The following TLN2 variants were observed in gnomAD, a reference collection of about 807,000 sequenced individuals.
TLN2 encodes talin-2.
A neutral mutation model predicts 294.7 loss-of-function variants in TLN2; 118 were observed. That is an observed-to-expected ratio of 0.40 (90% CI 0.34 to 0.47). The LOEUF is 0.47. Ranked by LOEUF, TLN2 falls within the 20% of genes least tolerant of loss-of-function variation. TLN2 has a pLI of 0.84. For synonymous variants in TLN2, 1,431 were observed against 1,304.5 expected, an observed-to-expected ratio of 1.10 and a Z score of -2.09; for missense variants, 3,083 against 3,282.2, an observed-to-expected ratio of 0.94 and a Z score of 1.48.
chr15:62,596,805 AAGT>A (rs975879170), intron 2 of TLN2, among the ~76,000 whole-genome samples: 9 of 152,348 alleles, frequency 5.9e-5, no homozygotes, highest in Non-Finnish European at 1.2e-4. Flanking sequence ...AAATGGCTAA[AAGT>A]AGGAAACATT....
Position 62,800,365 on chromosome 15 carries a change from C to T in TLN2, c.6235-3C>T, listed in dbSNP as rs2065849410. On this transcript the variant is annotated splice_polypyrimidine_tract_variant and splice_region_variant and intron_variant, in intron 48 of 58. Transcript: ENST00000636159. ...CTCACCTGAGTTCTGTGCTCTCTTT[C>T]AGGTGGTTTTGATCAATGCCATCAA... is the stretch of plus-strand genomic sequence containing the variant. 1 of 1,613,464 alleles carries T rather than the reference C, an allele frequency of 6.2e-7. No homozygotes were observed.
At chr15:62,746,911 A>T (rs1567516831) in intron 32 of TLN2, among the ~76,000 whole-genome samples, 1 of 152,180 alleles carries the variant, frequency 6.6e-6, no homozygotes, top group African/African-American at 2.4e-5. Context: ...TTTTTCATTT[A>T]TAAAATGCGT....
chr15:62,632,128 C>T (rs375081660), intron 3 of TLN2, among the ~76,000 whole-genome samples: 4 of 152,222 alleles, frequency 2.6e-5, no homozygotes, highest in South Asian at 2.1e-4. Flanking sequence ...ACAGCCCCAG[C>T]GCCTGCTTAG....
At chr15:62,590,207 G>T (rs1041047770) in intron 2 of TLN2, among the ~76,000 whole-genome samples, 2 of 152,000 alleles carry the variant, frequency 1.3e-5, no homozygotes, top group East Asian at 3.9e-4. Flanking sequence ...GGTTTGTTTC[G>T]TAGGTAAACG....
At chr15:62,661,257 CAG>C (rs1429744365) in intron 9 of TLN2, among the ~76,000 whole-genome samples, 3 of 152,076 alleles carry the variant, frequency 2.0e-5, no homozygotes, top group Non-Finnish European at 2.9e-5. Flanking sequence ...CTCTAGGTGA[CAG>C]ATATAGAATG....
intron 1 of TLN2, among the ~76,000 whole-genome samples, chr15:62,507,737 A>G (rs1466431333): frequency 1.3e-5 from 2 of 152,234 alleles, no homozygotes; most frequent in African/African-American, 4.8e-5. Flanking sequence ...TTAGTAAGCA[A>G]TTGAGTTGTC....
chr15:62,559,973 C>G (rs1248347853), intron 1 of TLN2, among the ~76,000 whole-genome samples: 1 of 152,142 alleles, frequency 6.6e-6, no homozygotes, highest in African/African-American at 2.4e-5. Context: ...GCTCAGTTAC[C>G]AGGAAGAATT....
At chr15:62,766,298 C>A (rs1364974216) in intron 40 of TLN2, 23 bp from the exon 41 acceptor site, 1 of 1,601,214 alleles carries the variant, frequency 6.2e-7, no homozygotes, top group African/African-American at 1.3e-5. Context: ...ATGGGATGAA[C>A]TTGACACTTC....
Position 62,844,282 on chromosome 15 carries a change from TG to T in TLN2, c.*3674del, listed in dbSNP as rs2070991122. On this transcript the variant is annotated 3_prime_UTR_variant, in exon 59 of 59. Coordinates refer to ENST00000636159, the MANE Select transcript of TLN2 (RefSeq NM_015059.3). ...GCCTCTGCTTGGTATGTCATGTTTA[TG>T]GTCACTACGGATGAGTGTGTGCAGA... 6.6e-6 allele frequency: 1 copy of T among 152,118 alleles called. No individual in the cohort carries two copies. Among genetic ancestry groups the T allele is most frequent in the African/African-American group, 2.4e-5 (1 of 41,410 alleles). 9.4% of individuals were successfully genotyped at this position (152,118 alleles called of 1,614,324 possible).
At chr15:62,508,569 A>G (rs1015110529) in intron 1 of TLN2, among the ~76,000 whole-genome samples, 1 of 152,270 alleles carries the variant, frequency 6.6e-6, no homozygotes. Flanking sequence ...AGATCTGGAC[A>G]GTTTGAAATA....
chr15:62,798,690 G>A (rs1248528383), intron 48 of TLN2, among the ~76,000 whole-genome samples: 1 of 152,182 alleles, frequency 6.6e-6, no homozygotes, highest in Non-Finnish European at 1.5e-5. Flanking sequence ...GTCATTCAGT[G>A]CCCCCAGGGG....
Position 62,797,959 on chromosome 15 carries a change from G to A in TLN2, c.6234+557G>A, listed in dbSNP as rs117421036. ...ATCCAGCATTTAGGACCACTTTACC[G>A]TGCAAGTGGCACAGGAGACGGAGAA... On this transcript the variant is annotated intron_variant, in intron 48 of 58. Transcript: ENST00000636159. Among the ~76,000 whole-genome samples, 238 of 152,326 alleles carry A rather than the reference G, an allele frequency of 1.6e-3. 4 individuals are homozygous for A. The East Asian group carries it at 0.04, about 25-fold the overall frequency.
chr15:62,640,636 C>T (rs1253487157), intron 3 of TLN2, among the ~76,000 whole-genome samples: 2 of 152,128 alleles, frequency 1.3e-5, no homozygotes, highest in South Asian at 2.1e-4. Flanking sequence ...TTGGGGGAAC[C>T]TAAGTGACCT....
intron 28 of TLN2, among the ~76,000 whole-genome samples, chr15:62,732,722 A>G (rs759050688): frequency 7.9e-5 from 12 of 152,136 alleles, no homozygotes; most frequent in Non-Finnish European, 1.2e-4. Flanking sequence ...TGGTCGATTG[A>G]AGAAGCAAAA....
chr15:62,743,906 C>T (rs1351212996), intron 32 of TLN2, among the ~76,000 whole-genome samples: 1 of 152,304 alleles, frequency 6.6e-6, no homozygotes, highest in Non-Finnish European at 1.5e-5. Flanking sequence ...CAAGGTAGCA[C>T]CTGCCCCCCT....
At chr15:62,394,870 G>A (rs1353159545) in intron 1 of TLN2, among the ~76,000 whole-genome samples, 2 of 152,264 alleles carry the variant, frequency 1.3e-5, no homozygotes, top group East Asian at 1.9e-4. Flanking sequence ...GTCACCCAGA[G>A]CTATGAATTA....
chr15:62,819,476 A>C, intron 52 of TLN2, 40 bp from the exon 53 acceptor site: 5 of 1,508,560 alleles, frequency 3.3e-6, no homozygotes, highest in Non-Finnish European at 4.6e-6. Flanking sequence ...CCCAGTGGTT[A>C]CTATCCCCCT....
At chr15:62,579,452 T>C (rs2044719054) in intron 1 of TLN2, among the ~76,000 whole-genome samples, 3 of 152,206 alleles carry the variant, frequency 2.0e-5, no homozygotes, top group Non-Finnish European at 4.4e-5. Flanking sequence ...CGGTCTTGAT[T>C]AGCAGAATCC....
chr15:62,826,773 A>G (rs1211150904), intron 54 of TLN2, among the ~76,000 whole-genome samples: 1 of 152,178 alleles, frequency 6.6e-6, no homozygotes, highest in Non-Finnish European at 1.5e-5. Flanking sequence ...CTGGCAGGAA[A>G]ATGCCTCACT....
Sources: allele counts gnomAD v4.1 joint callset (sites outside exome capture counted in the v4.1 genomes callset), GRCh38; gene constraint gnomAD v4.1.1; transcripts MANE v1.5; gene names NCBI Gene and HGNC (gene_info 2026-07-23, HGNC 2026-07-21).